The following MGMT variants were observed in gnomAD, a reference collection of about 807,000 sequenced individuals.
The protein encoded by MGMT is methylated-DNA--protein-cysteine methyltransferase.
MGMT carries 14 observed loss-of-function variants against 15.9 expected under a neutral mutation model. The ratio of observed to expected loss-of-function variants is 0.88; its 90% CI spans 0.58 to 1.37. The LOEUF is 1.37. Among genes scored for constraint, MGMT ranks in the 40% most tolerant of loss-of-function variants. The pLI, the probability that MGMT is intolerant of heterozygous loss-of-function variation, is 0.00. For missense variants in MGMT, 282 were observed against 268.1 expected, an observed-to-expected ratio of 1.05 and a Z score of -0.36; for synonymous variants, 130 against 118.2, an observed-to-expected ratio of 1.10 and a Z score of -0.65.
At chr10:129,523,231 C>T (rs941943408) in intron 1 of MGMT, among the ~76,000 whole-genome samples, 1 of 152,204 alleles carries the variant, frequency 6.6e-6, no homozygotes, top group Admixed American at 6.5e-5. Flanking sequence ...AGGCGGGAGA[C>T]CCGGGCCAGA....
intron 1 of MGMT, among the ~76,000 whole-genome samples, chr10:129,497,024 G>C (rs1340111827): frequency 2.0e-5 from 3 of 152,054 alleles, no homozygotes; most frequent in Non-Finnish European, 4.4e-5. Flanking sequence ...GCAAGGGAAG[G>C]CTATCGGGGT....
rs78104214 is a variant in MGMT at position 129,749,314 on chromosome 10, G to A, written c.275-9888G>A. 9.2e-3 allele frequency among the ~76,000 whole-genome samples: 1,393 copies of A among 152,070 alleles called. 21 individuals carry two copies. Among genetic ancestry groups the A allele is most frequent in the African/African-American group, 0.032 (1,333 of 41,454 alleles). ...CCCCCGCTCCTTCTGAAAGTGCCCC[G>A]GCAACCACTTATCTTTTTTCTGTCT... On this transcript the variant is annotated intron_variant, in intron 3 of 4. Coordinates refer to ENST00000651593, the MANE Select transcript of MGMT (RefSeq NM_002412.5).
At position 129,556,229 on chromosome 10, in the gene MGMT, T is replaced by A. The variant is rs1035044847; in HGVS notation, c.125+19852T>A. Among the ~76,000 whole-genome samples, 2 of 152,078 alleles carry A rather than the reference T, an allele frequency of 1.3e-5. No individual in the cohort carries two copies. The highest frequency in any genetic ancestry group is 1.3e-4 in the Admixed American group (2 of 15,292). On this transcript the variant is annotated intron_variant, in intron 2 of 4. Coordinates refer to ENST00000651593, the MANE Select transcript of MGMT (RefSeq NM_002412.5). This position sits in a 1 kb window ranked among gnomAD's most constrained non-coding sequence, Gnocchi z 4.3. ...CTGTGTAGCACGTGGCCCCCAAAAT[T>A]TAGGTGTTGAAGTCCTCATCCTCAG...
At chr10:129,677,668 C>T (rs551321716) in intron 2 of MGMT, among the ~76,000 whole-genome samples, 51 of 152,376 alleles carry the variant, frequency 3.3e-4, no homozygotes, top group African/African-American at 1.1e-3. Context: ...TGCTCTAACA[C>T]TAGTCAGGGC....
chr10:129,507,484 C>T (rs1845637781), intron 1 of MGMT, among the ~76,000 whole-genome samples: 1 of 152,088 alleles, frequency 6.6e-6, no homozygotes, highest in Non-Finnish European at 1.5e-5. Context: ...AATGGCCCTG[C>T]TGGAGGAGAT....
intron 2 of MGMT, among the ~76,000 whole-genome samples, chr10:129,591,323 A>G (rs1422587504): frequency 6.6e-6 from 1 of 152,190 alleles, no homozygotes; most frequent in African/African-American, 2.4e-5. Context: ...CGAGGAGTGA[A>G]ATGAGCACGC....
chr10:129,766,871 A>G lies in MGMT; in HGVS notation c.498A>G (p.Glu166=). The G allele has an allele frequency of 6.2e-7, 1 of 1,613,716 alleles. No individual in the cohort carries two copies. Among genetic ancestry groups the G allele is most frequent in the South Asian group, 1.1e-5 (1 of 91,080 alleles). ...ACTCCGGAGGACTGGCCGTGAAGGAATGGCTTCTGGCCCATGAAGGCCACC... is the reference window on the plus strand; with the variant it reads ...ACTCCGGAGGACTGGCCGTGAAGGAGTGGCTTCTGGCCCATGAAGGCCACC... The part of the protein sequence containing the change: ...GNYSGGLAVK[E]WLLAHEGHRL... Residue 166 remains glutamate (E), a synonymous_variant, in exon 5 of 5, where the codon GAA becomes GAG. Transcript: ENST00000651593.
intron 1 of MGMT, among the ~76,000 whole-genome samples, chr10:129,513,700 C>A (rs1007580992): frequency 2.0e-5 from 3 of 152,174 alleles, no homozygotes; most frequent in African/African-American, 7.2e-5. Flanking sequence ...TCTTGACTTT[C>A]TAAAGGTTGT....
intron 1 of MGMT, among the ~76,000 whole-genome samples, chr10:129,499,777 G>A (rs1470607598): frequency 1.3e-5 from 2 of 152,180 alleles, no homozygotes; most frequent in East Asian, 1.9e-4. Flanking sequence ...AATGGATACT[G>A]TACTATGTAG....
At chr10:129,494,500 A>C (rs1219163165) in intron 1 of MGMT, among the ~76,000 whole-genome samples, 2 of 152,120 alleles carry the variant, frequency 1.3e-5, no homozygotes, top group Admixed American at 6.5e-5. Context: ...AGTTTCCCTA[A>C]TATGTGCAAT....
intron 3 of MGMT, among the ~76,000 whole-genome samples, chr10:129,754,038 T>C (rs1277930430): frequency 1.3e-5 from 2 of 152,236 alleles, no homozygotes; most frequent in African/African-American, 4.8e-5. Context: ...ATCAGTTCTT[T>C]TGTGCACCAC....
chr10:129,599,371 T>A (rs540484220), intron 2 of MGMT, among the ~76,000 whole-genome samples: 37 of 152,238 alleles, frequency 2.4e-4, no homozygotes, highest in Non-Finnish European at 4.1e-4. Flanking sequence ...CAGGTTGCTC[T>A]CGTCACTAGG....
chr10:129,617,706 CTTG>C (rs945663213), intron 2 of MGMT, among the ~76,000 whole-genome samples: 1 of 152,068 alleles, frequency 6.6e-6, no homozygotes, highest in Non-Finnish European at 1.5e-5. Flanking sequence ...TTTTCATATG[CTTG>C]TTGGCCATAT....
At chr10:129,662,264 C>A (rs1847606340) in intron 2 of MGMT, among the ~76,000 whole-genome samples, 1 of 152,054 alleles carries the variant, frequency 6.6e-6, no homozygotes, top group Non-Finnish European at 1.5e-5. Context: ...GAAACTATTT[C>A]AAGCTCACAG....
intron 3 of MGMT, among the ~76,000 whole-genome samples, chr10:129,748,370 G>A (rs894268708): frequency 2.4e-4 from 37 of 152,134 alleles, no homozygotes; most frequent in African/African-American, 7.5e-4. Flanking sequence ...TCCCTTTGTC[G>A]TACTCTCCTC....
intron 2 of MGMT, among the ~76,000 whole-genome samples, chr10:129,619,355 A>G (rs1564739055): frequency 6.6e-6 from 1 of 152,204 alleles, no homozygotes; most frequent in Non-Finnish European, 1.5e-5. Flanking sequence ...ATATATGTGT[A>G]TAATTCCAGC....
intron 2 of MGMT, among the ~76,000 whole-genome samples, chr10:129,559,419 G>A (rs968226730): frequency 6.6e-6 from 1 of 152,156 alleles, no homozygotes; most frequent in African/African-American, 2.4e-5. Context: ...GGAAATGGCT[G>A]GCATGGTGAA....
chr10:129,529,813 T>C (rs1845910669), intron 1 of MGMT, among the ~76,000 whole-genome samples: 1 of 151,306 alleles, frequency 6.6e-6, no homozygotes, highest in South Asian at 2.1e-4. Flanking sequence ...TAACATTAGC[T>C]TTTTTTTGTA....
chr10:129,732,540 T>C (rs187308773), intron 3 of MGMT, among the ~76,000 whole-genome samples: 403 of 151,738 alleles, frequency 2.7e-3, no homozygotes, highest in Non-Finnish European at 4.9e-3. Flanking sequence ...ACATTTTCTT[T>C]TTTTTTGGCA....
Sources: gnomAD v4.1 joint callset for allele counts (sites outside exome capture counted in the v4.1 genomes callset) on GRCh38, gnomAD v4.1.1 for gene constraint, Gnocchi (gnomAD v3.1) non-coding constraint, MANE v1.5 for transcripts, NCBI Gene and HGNC (gene_info 2026-07-23, HGNC 2026-07-21) for gene names.